Variants in CALB1 observed in about 807,000 individuals in gnomAD.
The protein encoded by CALB1 is calbindin 1, also known as calbindin.
Under a neutral mutation model 46.7 loss-of-function variants are expected in CALB1, and 16 were observed. That is an observed-to-expected ratio of 0.34 (90% CI 0.23 to 0.52). CALB1 has a LOEUF of 0.52. CALB1 is among the 20% of genes least tolerant of loss of function. The pLI is 0.95. For synonymous variants in CALB1, 90 were observed against 112.8 expected (o/e 0.80, Z 1.28); for missense variants, 224 against 300.3 (o/e 0.75, Z 1.88).
chr8:90,063,468 G>C lies in CALB1; in HGVS notation c.451-7C>G. On this transcript the variant is annotated splice_region_variant and splice_polypyrimidine_tract_variant and intron_variant, in intron 6 of 10. Transcript: ENST00000265431. ...TTGAATCAAATAGTTTCAGCTGAAA[G>C]ACAGAATGCCATTATTCTAGCTATT... 1 of 1,605,958 alleles carries C rather than the reference G, an allele frequency of 6.2e-7. No homozygotes were observed. Among genetic ancestry groups the C allele is most frequent in the Non-Finnish European group, 8.5e-7 (1 of 1,173,696 alleles).
chr8:90,078,165 AT>A, intron 3 of CALB1: 1 of 367,358 alleles, frequency 2.7e-6, no homozygotes, highest in Non-Finnish European at 4.8e-6. Flanking sequence ...AATATATGAA[AT>A]TTAGGCCCTG....
intron 2 of CALB1, chr8:90,081,553 C>T: frequency 6.3e-6 from 4 of 639,868 alleles, no homozygotes; most frequent in Non-Finnish European, 7.8e-6. Context: ...CATTTCCACC[C>T]CCTTATTTCT....
At chr8:90,065,854 A>G in intron 6 of CALB1, 44 bp downstream of exon 6, 1 of 1,195,210 alleles carries the variant, frequency 8.4e-7, no homozygotes, top group Non-Finnish European at 1.2e-6. Flanking sequence ...ACATCATACT[A>G]CTTCATGAGC....
intron 1 of CALB1, 182 bp downstream of exon 1, chr8:90,082,437 A>G (rs1814749496): frequency 3.1e-6 from 2 of 638,208 alleles, no homozygotes; most frequent in South Asian, 3.8e-5. Flanking sequence ...GAAACAATAT[A>G]AACTTTCAGG....
At chr8:90,067,466 T>G (rs185618909) in intron 5 of CALB1, among the ~76,000 whole-genome samples, 1 of 152,280 alleles carries the variant, frequency 6.6e-6, no homozygotes, top group Non-Finnish European at 1.5e-5. Flanking sequence ...TTGGTCTAAC[T>G]AATAAAATAA....
chr8:90,068,944 A>T, intron 5 of CALB1, 54 bp downstream of exon 5: 1 of 1,283,122 alleles, frequency 7.8e-7, no homozygotes, highest in Non-Finnish European at 1.1e-6. Flanking sequence ...GGAAACTCTT[A>T]GTTCATAATT....
intron 3 of CALB1, among the ~76,000 whole-genome samples, chr8:90,074,933 G>A (rs1205376807): frequency 6.6e-6 from 1 of 152,100 alleles, no homozygotes; most frequent in South Asian, 2.1e-4. Context: ...AAATCATTAA[G>A]TCTTCCTTTT....
intron 3 of CALB1, among the ~76,000 whole-genome samples, chr8:90,072,318 A>G (rs1010723661): frequency 9.8e-5 from 15 of 152,348 alleles, no homozygotes; most frequent in Admixed American, 2.0e-4. Context: ...GATAGTAAAA[A>G]TGCTCTTCAT....
At chr8:90,078,135 T>A (rs1254200871) in intron 3 of CALB1, among the ~76,000 whole-genome samples, 1 of 152,086 alleles carries the variant, frequency 6.6e-6, no homozygotes, top group Non-Finnish European at 1.5e-5. Flanking sequence ...AATTTTGTTT[T>A]TCCATGGTCT....
At position 90,059,348 on chromosome 8, in the gene CALB1, C is replaced by T. The variant is rs1228167846; in HGVS notation, c.*825G>A. 6.6e-6 allele frequency: 1 copy of T among 152,348 alleles called. No individual in the cohort carries two copies. The highest frequency in any genetic ancestry group is 1.5e-5 in the Non-Finnish European group (1 of 67,976). The allele number at this position is 152,348 out of a possible 1,614,324, so 9.4% of individuals were successfully genotyped here. ...AACAGTTCTACATAGAAAGAAAATC[C>T]AGGAAGTATGCAAACTAGACACCAG... On this transcript the variant is annotated 3_prime_UTR_variant, in exon 11 of 11. Coordinates refer to ENST00000265431, the MANE Select transcript of CALB1 (RefSeq NM_004929.4).
At chr8:90,068,885 G>A in intron 5 of CALB1, 113 bp downstream of exon 5, 1 of 685,452 alleles carries the variant, frequency 1.5e-6, no homozygotes, top group Non-Finnish European at 2.4e-6. Flanking sequence ...GTGAAAATGT[G>A]ACACTGTTCA....
intron 3 of CALB1, among the ~76,000 whole-genome samples, chr8:90,073,652 T>C (rs1324700899): frequency 1.3e-5 from 2 of 152,192 alleles, no homozygotes. Context: ...ACAGGGGACT[T>C]TACATCTCTC....
chr8:90,066,020 T>C (rs1814389966), intron 5 of CALB1, 45 bp from the exon 6 acceptor site: 1 of 1,222,938 alleles, frequency 8.2e-7, no homozygotes, highest in South Asian at 1.2e-5. Flanking sequence ...TAATAATATA[T>C]CGTCTACTTT....
intron 3 of CALB1, among the ~76,000 whole-genome samples, chr8:90,072,126 A>T (rs1365926653): frequency 6.6e-6 from 1 of 152,154 alleles, no homozygotes; most frequent in Non-Finnish European, 1.5e-5. Flanking sequence ...AAAAAGAATA[A>T]TTTTTCTTTA....
intron 9 of CALB1, 32 bp from the exon 10 acceptor site, chr8:90,060,732 C>A: frequency 6.9e-7 from 1 of 1,456,916 alleles, no homozygotes; most frequent in African/African-American, 1.4e-5. Flanking sequence ...AGTATACAAC[C>A]AACTCCATCT....
intron 2 of CALB1, among the ~76,000 whole-genome samples, chr8:90,080,892 G>A (rs1814718294): frequency 6.6e-6 from 1 of 152,018 alleles, no homozygotes; most frequent in Non-Finnish European, 1.5e-5. Context: ...CAATATTAGA[G>A]GTGGTGATCT....
intron 6 of CALB1, chr8:90,064,416 G>C (rs1172104938): frequency 6.6e-6 from 1 of 151,518 alleles, no homozygotes; most frequent in Non-Finnish European, 1.5e-5. Context: ...TGTGCCCATG[G>C]GGAAATATTT....
At chr8:90,070,783 G>A (rs1805876) in intron 3 of CALB1, among the ~76,000 whole-genome samples, 113,638 of 151,786 alleles carry the variant, frequency 0.75, 42,770 homozygotes, top group African/African-American at 0.82. Flanking sequence ...ATGTGCCAGT[G>A]CTTTTAAAAA....
chr8:90,061,343 GT>G (rs1814293854), intron 9 of CALB1: 1 of 152,100 alleles, frequency 6.6e-6, no homozygotes, highest in South Asian at 2.1e-4. Context: ...GGAGTTATTT[GT>G]GTAATTTTCA....
Sources: gnomAD v4.1 joint callset for allele counts (sites outside exome capture counted in the v4.1 genomes callset) on GRCh38, gnomAD v4.1.1 for gene constraint, MANE v1.5 for transcripts, NCBI Gene and HGNC (gene_info 2026-07-23, HGNC 2026-07-21) for gene names.